LAMA1: variants seen among roughly 807,000 people sequenced by gnomAD.
LAMA1 encodes the protein laminin subunit alpha-1.
LAMA1 carries 219 observed loss-of-function variants against 348.7 expected under a neutral mutation model. The observed-to-expected ratio is 0.63, with a 90% confidence interval of 0.56 to 0.70. The LOEUF (loss-of-function observed/expected upper bound fraction) is 0.70. Among genes scored for constraint, LAMA1 ranks in the 30% least tolerant of loss-of-function variants. The pLI is 0.00. For synonymous variants in LAMA1, 1,487 were observed against 1,491.0 expected (o/e 1.00, Z 0.06); for missense variants, 3,744 against 3,888.0 (o/e 0.96, Z 0.99).
At chr18:6,988,717 G>C (rs2057745943) in intron 36 of LAMA1, among the ~76,000 whole-genome samples, 1 of 147,810 alleles carries the variant, frequency 6.8e-6, no homozygotes, top group Admixed American at 7.0e-5. Flanking sequence ...TGAGGAGGGA[G>C]AATCGCTTGA....
chr18:6,950,430 G>A (rs1221147632), intron 58 of LAMA1, among the ~76,000 whole-genome samples: 1 of 152,222 alleles, frequency 6.6e-6, no homozygotes, highest in Non-Finnish European at 1.5e-5. Flanking sequence ...AAAGCGTGCT[G>A]CACACCAGAA....
At chr18:6,985,462 A>T in intron 38 of LAMA1, 62 bp from the exon 39 acceptor site, 1 of 1,607,248 alleles carries the variant, frequency 6.2e-7, no homozygotes. Flanking sequence ...ATATGTGTGC[A>T]TATAGAAAAG....
In LAMA1 at chr18:6,964,558, T is replaced by C. The variant is rs767894612; in HGVS notation, c.7337+104A>G. On this transcript the variant is annotated intron_variant, in intron 51 of 62. Transcript: ENST00000389658. ...CCTCTAGAACTGGGAAAGAATAAAT[T>C]AGTGTTGTTTAAGCCACCTGGTTTG... 3.7e-6 allele frequency: 5 copies of C among 1,345,454 alleles called. 1 individual carries two copies. The highest frequency in any genetic ancestry group is 3.7e-4 in the Middle Eastern group (2 of 5,336). The allele number at this position is 1,345,454 out of a possible 1,614,324, so 83.3% of individuals were successfully genotyped here.
intron 47 of LAMA1, chr18:6,972,197 G>C: frequency 1.9e-6 from 1 of 530,416 alleles, no homozygotes; most frequent in Non-Finnish European, 3.4e-6. Context: ...GGATCTTAAA[G>C]ATCATCTCAG....
Position 6,974,951 on chromosome 18 carries a change from G to A in LAMA1, c.6575C>T (p.Pro2192Leu). The A allele has an allele frequency of 6.2e-7, 1 of 1,614,044 alleles. No homozygotes were observed. The highest frequency in any genetic ancestry group is 8.5e-7 in the Non-Finnish European group (1 of 1,180,022). ...TCTGTTGTCATCAATGGGAAAGTCT[G>A]GAAACTCCAAGCGTGTGGACCCGGA... ...LGSGSTRLEFPDFPIDDNRWH... is the reference protein window; with the variant it reads ...LGSGSTRLEFLDFPIDDNRWH... Residue 2192 changes from proline (P) to leucine (L), a missense_variant, in exon 46 of 63, where the codon CCA (proline) becomes CTA (leucine). Physicochemically the swap from Pro to Leu is moderately conservative, Grantham distance 98 (BLOSUM62 -3). Coordinates refer to ENST00000389658, the MANE Select transcript of LAMA1 (RefSeq NM_005559.4).
chr18:7,054,490 C>G lies in LAMA1; in HGVS notation c.346-3554G>C, dbSNP rs2058073840. Among the ~76,000 whole-genome samples the G allele has an allele frequency of 2.0e-5, 3 of 152,298 alleles. No homozygotes were observed. In the South Asian group the frequency reaches 6.2e-4, roughly 32 times the overall value. On this transcript the variant is annotated intron_variant, in intron 3 of 62. Transcript: ENST00000389658. Reference sequence around the variant, plus strand: ...AGCAAGCAACAAAAAACAAAAATGCCTTTCTCCAGGTGAACTGCTACTGAC... The same window carrying G: ...AGCAAGCAACAAAAAACAAAAATGCGTTTCTCCAGGTGAACTGCTACTGAC...
chr18:7,104,123 C>T lies in LAMA1; in HGVS notation c.61+13537G>A, dbSNP rs138183021. 5.0e-3 allele frequency among the ~76,000 whole-genome samples: 766 copies of T among 151,812 alleles called. 6 individuals carry two copies. The highest frequency in any genetic ancestry group is 0.017 in the African/African-American group (703 of 41,242). ...CTTCCTGAGTAGCTGGGATTACAGGCGACCGCCACCACGCTTGGCTGATTT... is the reference window on the plus strand; with the variant it reads ...CTTCCTGAGTAGCTGGGATTACAGGTGACCGCCACCACGCTTGGCTGATTT... On this transcript the variant is annotated intron_variant, in intron 1 of 62. Coordinates refer to ENST00000389658, the MANE Select transcript of LAMA1 (RefSeq NM_005559.4).
chr18:7,047,722 A>C (rs7236604), intron 5 of LAMA1, among the ~76,000 whole-genome samples: 8,409 of 152,200 alleles, frequency 0.055, 815 homozygotes, highest in African/African-American at 0.19. Flanking sequence ...GAGAGTCCAG[A>C]AATAAACCCA....
At chr18:7,089,763 A>C (rs2058232400) in intron 1 of LAMA1, among the ~76,000 whole-genome samples, 1 of 152,222 alleles carries the variant, frequency 6.6e-6, no homozygotes, top group African/African-American at 2.4e-5. Context: ...TTCTCCGTGA[A>C]TGCTGAGGGC....
intron 57 of LAMA1, among the ~76,000 whole-genome samples, chr18:6,951,760 T>G (rs1020430469): frequency 1.3e-5 from 2 of 152,176 alleles, no homozygotes; most frequent in East Asian, 3.9e-4. Context: ...CAGAACAGAT[T>G]CAGGAAACGT....
At chr18:6,973,236 A>G in intron 46 of LAMA1, 29 bp from the exon 47 acceptor site, 1 of 1,609,690 alleles carries the variant, frequency 6.2e-7, no homozygotes, top group Non-Finnish European at 8.5e-7. Flanking sequence ...TGCAAAAGAA[A>G]TTTTCAGAAT....
chr18:7,095,132 C>G (rs1413968207), intron 1 of LAMA1, among the ~76,000 whole-genome samples: 1 of 34,492 alleles, frequency 2.9e-5, no homozygotes, highest in Non-Finnish European at 8.2e-5. Flanking sequence ...TTCTCTCTCT[C>G]TCTCTCTCTC....
chr18:6,949,343 T>G (rs2057536332), intron 58 of LAMA1, 84 bp from the exon 59 acceptor site: 2 of 1,318,130 alleles, frequency 1.5e-6, no homozygotes, highest in Non-Finnish European at 2.2e-6. Flanking sequence ...AGATGCAACA[T>G]CTGTTTCTGA....
intron 44 of LAMA1, 37 bp downstream of exon 44, chr18:6,977,690 G>A: frequency 6.2e-7 from 1 of 1,613,054 alleles, no homozygotes; most frequent in East Asian, 2.2e-5. Context: ...ACATGACTGA[G>A]AGCCCAGTTA....
At position 7,094,742 on chromosome 18, in the gene LAMA1, C is replaced by G. The variant is rs554661500; in HGVS notation, c.62-14285G>C. On this transcript the variant is annotated intron_variant, in intron 1 of 62. Coordinates refer to ENST00000389658, the MANE Select transcript of LAMA1 (RefSeq NM_005559.4). ...CAAAACTAAGGACACAACATAGGAA[C>G]AAGTTCAACTCAGTAACAACCAGGG... is the stretch of plus-strand genomic sequence containing the variant. Among the ~76,000 whole-genome samples, 4 of 152,176 alleles carry G rather than the reference C, an allele frequency of 2.6e-5. No homozygotes were observed. In the East Asian group the frequency reaches 5.8e-4, roughly 22 times the overall value.
chr18:7,100,997 T>G (rs901007398), intron 1 of LAMA1, among the ~76,000 whole-genome samples: 1 of 151,970 alleles, frequency 6.6e-6, no homozygotes, highest in Non-Finnish European at 1.5e-5. Flanking sequence ...GAAACAGAGC[T>G]GGGGTATGAC....
At chr18:6,990,457 G>A (rs967180164) in intron 36 of LAMA1, among the ~76,000 whole-genome samples, 2 of 152,136 alleles carry the variant, frequency 1.3e-5, no homozygotes, top group Non-Finnish European at 2.9e-5. Flanking sequence ...GCTGAGGAAG[G>A]TTAGGGAGCA....
intron 49 of LAMA1, 192 bp downstream of exon 49, chr18:6,965,955 A>G (rs1258677552): frequency 1.6e-6 from 1 of 635,852 alleles, no homozygotes; most frequent in Non-Finnish European, 2.7e-6. Context: ...AGGTTCTACA[A>G]TGATAATAAA....
Position 6,978,269 on chromosome 18 carries a change from T to C in LAMA1, c.6117A>G (p.Thr2039=), listed in dbSNP as rs543291748. 50 of 1,614,194 alleles carry C rather than the reference T, an allele frequency of 3.1e-5. No individual in the cohort carries two copies. In the East Asian group the frequency reaches 1.1e-3, roughly 35 times the overall value. The change falls in exon 43 of 63, where the codon ACA becomes ACG. Residue 2039 remains threonine, a synonymous_variant. Coordinates refer to ENST00000389658, the MANE Select transcript of LAMA1 (RefSeq NM_005559.4). ...VAGLSQELLN[T]SASLSRVNTT... ...TGTTGACCCTGGACAGGCTGGCAGA[T>C]GTGTTCAGCAGCTCCTGGCTCAGCC...
Sources: allele counts gnomAD v4.1 joint callset (sites outside exome capture counted in the v4.1 genomes callset), GRCh38; gene constraint gnomAD v4.1.1; transcripts MANE v1.5; gene names NCBI Gene and HGNC (gene_info 2026-07-23, HGNC 2026-07-21).